CHRNA9: variants seen among roughly 807,000 people sequenced by gnomAD.
CHRNA9 encodes neuronal acetylcholine receptor subunit alpha-9.
A neutral mutation model predicts 36.8 loss-of-function variants in CHRNA9; 24 were observed. The observed-to-expected ratio is 0.65, with a 90% CI of 0.47 to 0.92. The LOEUF (loss-of-function observed/expected upper bound fraction) is 0.92, where lower values mean the gene tolerates loss of function less well. Ranked by LOEUF, CHRNA9 falls within the 40% of genes least tolerant of loss-of-function variation. The pLI, the probability that CHRNA9 is intolerant of heterozygous loss-of-function variation, is 0.00. For synonymous variants in CHRNA9, 231 were observed against 231.8 expected, an observed-to-expected ratio of 1.00 and a Z score of 0.03; for missense variants, 610 against 601.2, an observed-to-expected ratio of 1.01 and a Z score of -0.15.
Position 40,348,886 on chromosome 4 carries a change from G to T in CHRNA9, c.370G>T (p.Asp124Tyr), listed in dbSNP as rs748489807. The T allele has an allele frequency of 6.2e-7, 1 of 1,611,084 alleles. No homozygotes were observed. The highest frequency in any genetic ancestry group is 2.2e-5 in the East Asian group (1 of 44,804). Residue 124 changes from aspartate to tyrosine, a missense_variant, in exon 4 of 5, where the codon GAT becomes TAT. Asp to Tyr is a radical substitution (Grantham distance 160). Coordinates refer to ENST00000310169, the MANE Select transcript of CHRNA9 (RefSeq NM_017581.4). ...TTTTCCTTATCTGACCTTCAGGGCT[G>T]ATGATGAATCTTCAGAGCCTGTGAA... ...RPDIVLYNKA[D>Y]DESSEPVNTN...
chr4:40,354,697 A>T lies in CHRNA9; in HGVS notation c.*177A>T, dbSNP rs4861327. On this transcript the variant is annotated 3_prime_UTR_variant, in exon 5 of 5. Coordinates refer to ENST00000310169, the MANE Select transcript of CHRNA9 (RefSeq NM_017581.4). Reference sequence around the variant, plus strand: ...CTGCTCTGTTAAATTAAGCAGAAGAACCAAAATTTCAAGGGTAGGAAGATG... The same window carrying T: ...CTGCTCTGTTAAATTAAGCAGAAGATCCAAAATTTCAAGGGTAGGAAGATG... 551,690 of 590,168 alleles carry T rather than the reference A, an allele frequency of 0.93. 258,424 individuals are homozygous for T. The highest frequency in any genetic ancestry group is 1 in the East Asian group (35,214 of 35,232). The allele number at this position is 590,168 out of a possible 1,614,324, so 36.6% of individuals were successfully genotyped here.
chr4:40,344,100 CAGGTGGCTTCTAGA>C (rs1403452834), intron 3 of CHRNA9, among the ~76,000 whole-genome samples: 1 of 152,168 alleles, frequency 6.6e-6, no homozygotes. Context: ...TCATGGGATG[CAGGTGGCTTCTAGA>C]AGGTGGAAAA....
At position 40,348,993 on chromosome 4, in the gene CHRNA9, C is replaced by G. The variant is rs749101853; in HGVS notation, c.477C>G (p.Val159=). 3.5e-5 allele frequency: 56 copies of G among 1,614,068 alleles called. No individual in the cohort carries two copies. In the Middle Eastern group the frequency reaches 4.9e-4, roughly 14 times the overall value. The change falls in exon 4 of 5, where the codon GTC becomes GTG. Residue 159 remains valine (V), a synonymous_variant. Transcript: ENST00000310169. ...AITKSSCVVD[V]TYFPFDNQQC... is the part of the protein sequence containing the mutation. ...CCAAAAGCTCCTGTGTGGTGGATGT[C>G]ACCTACTTCCCTTTTGACAACCAGC...
chr4:40,346,936 G>A (rs1019803663), intron 3 of CHRNA9, among the ~76,000 whole-genome samples: 4 of 151,792 alleles, frequency 2.6e-5, no homozygotes, highest in Admixed American at 6.6e-5. Context: ...TCAGCCTCCC[G>A]AGTAGCTGGG....
At position 40,354,590 on chromosome 4, in the gene CHRNA9, C is replaced by A; in HGVS notation, c.*70C>A. The stretch of plus-strand genomic sequence containing the variant: ...CCCTGTGATCTATTCCAATGTTCTT[C>A]CAAGATTTTTGTTCATCTATAATTT... On this transcript the variant is annotated 3_prime_UTR_variant, in exon 5 of 5. Transcript: ENST00000310169. 7.6e-7 allele frequency: 1 copy of A among 1,313,592 alleles called. No homozygotes were observed. The highest frequency in any genetic ancestry group is 1.1e-6 in the Non-Finnish European group (1 of 950,866). The allele number at this position is 1,313,592 out of a possible 1,614,324, so 81.4% of individuals were successfully genotyped here.
At position 40,349,017 on chromosome 4, in the gene CHRNA9, G is replaced by A. The variant is rs1380207151; in HGVS notation, c.501G>A (p.Gln167=). 4 of 1,614,190 alleles carry A rather than the reference G, an allele frequency of 2.5e-6. No individual in the cohort carries two copies. Among genetic ancestry groups the A allele is most frequent in the Non-Finnish European group, 3.4e-6 (4 of 1,180,030 alleles). ...VDVTYFPFDN[Q]QCNLTFGSWT... Reference sequence around the variant, plus strand: ...TCACCTACTTCCCTTTTGACAACCAGCAGTGCAACCTGACTTTTGGTTCCT... The same window carrying A: ...TCACCTACTTCCCTTTTGACAACCAACAGTGCAACCTGACTTTTGGTTCCT... Residue 167 remains glutamine (Q), a synonymous_variant, in exon 4 of 5, where the codon CAG becomes CAA. Coordinates refer to ENST00000310169, the MANE Select transcript of CHRNA9 (RefSeq NM_017581.4).
intron 3 of CHRNA9, among the ~76,000 whole-genome samples, chr4:40,339,410 T>C (rs1342693323): frequency 4.7e-5 from 7 of 150,518 alleles, no homozygotes; most frequent in Non-Finnish European, 7.4e-5. Context: ...GGGCCAGGCA[T>C]GGTGGCTCAC....
rs1453479700 is a variant in CHRNA9 at position 40,350,726 on chromosome 4, A to ACACACACACACC, written c.898+1313_898+1314insACACACACACCC. ...CACACACACACACACACACACACAC[A>ACACACACACACC]CCTCTCTTTTTCAGAATTAAACACA... On this transcript the variant is annotated intron_variant, in intron 4 of 4. Coordinates refer to ENST00000310169, the MANE Select transcript of CHRNA9 (RefSeq NM_017581.4). 5.4e-5 allele frequency among the ~76,000 whole-genome samples: 8 copies of ACACACACACACC among 148,268 alleles called. No individual in the cohort carries two copies. In the South Asian group the frequency reaches 1.5e-3, roughly 28 times the overall value.
chr4:40,339,216 T>A, intron 3 of CHRNA9, among the ~76,000 whole-genome samples: 1 of 130,474 alleles, frequency 7.7e-6, no homozygotes. Flanking sequence ...GAGGCAGGGG[T>A]TGCAGTGAGC....
chr4:40,349,542 A>AT, intron 4 of CHRNA9, 128 bp downstream of exon 4: 1 of 884,308 alleles, frequency 1.1e-6, no homozygotes, highest in Non-Finnish European at 1.7e-6. Context: ...ACTGTCTCAA[A>AT]TTTTTCTGGT....
At chr4:40,338,891 T>TCTCA (rs1491538021) in intron 3 of CHRNA9, among the ~76,000 whole-genome samples, 1,756 of 117,452 alleles carry the variant, frequency 0.015, 26 homozygotes, top group African/African-American at 0.043. Context: ...CCTCTCTCTC[T>TCTCA]CACACACACA....
At chr4:40,345,888 G>C (rs1712624599) in intron 3 of CHRNA9, among the ~76,000 whole-genome samples, 1 of 152,168 alleles carries the variant, frequency 6.6e-6, no homozygotes, top group Non-Finnish European at 1.5e-5. Flanking sequence ...AGCCAGGCAT[G>C]GTGGCTGGCA....
At position 40,349,054 on chromosome 4, in the gene CHRNA9, G is replaced by A. The variant is rs1485573233; in HGVS notation, c.538G>A (p.Gly180Ser). ...GACTTTTGGTTCCTGGACCTACAAT[G>A]GCAATCAGGTGGACATATTCAACGC... ...NLTFGSWTYN[G>S]NQVDIFNALD... Residue 180 changes from glycine to serine, a missense_variant, in exon 4 of 5, where the codon GGC (glycine) becomes AGC (serine). Physicochemically the swap from Gly to Ser is moderately conservative, Grantham distance 56 (BLOSUM62 0). Transcript: ENST00000310169. 1 of 1,614,118 alleles carries A rather than the reference G, an allele frequency of 6.2e-7. No homozygotes were observed. Among genetic ancestry groups the A allele is most frequent in the Non-Finnish European group, 8.5e-7 (1 of 1,180,010 alleles).
chr4:40,354,766 G>A lies in CHRNA9; in HGVS notation c.*246G>A. The A allele has an allele frequency of 2.5e-6, 1 of 393,586 alleles. No individual in the cohort carries two copies. The highest frequency in any genetic ancestry group is 2.0e-5 in the African/African-American group (1 of 50,290). 24.4% of individuals were successfully genotyped at this position (393,586 alleles called of 1,614,324 possible). ...CCCTTTTATAGCCCACCGTAGTGGTGGGTGACTGGCCTCTAGTTTATATAA... is the reference window on the plus strand; with the variant it reads ...CCCTTTTATAGCCCACCGTAGTGGTAGGTGACTGGCCTCTAGTTTATATAA... On this transcript the variant is annotated 3_prime_UTR_variant, in exon 5 of 5. Coordinates refer to ENST00000310169, the MANE Select transcript of CHRNA9 (RefSeq NM_017581.4).
chr4:40,345,094 C>G (rs934023433), intron 3 of CHRNA9, among the ~76,000 whole-genome samples: 1 of 152,110 alleles, frequency 6.6e-6, no homozygotes, highest in African/African-American at 2.4e-5. Context: ...AGGCACACAG[C>G]TAGAAAGTGA....
intron 3 of CHRNA9, among the ~76,000 whole-genome samples, chr4:40,337,650 G>A (rs529301840): frequency 3.3e-5 from 5 of 152,184 alleles, no homozygotes; most frequent in Non-Finnish European, 7.3e-5. Flanking sequence ...GAGTAGCACA[G>A]ATTAGATGAC....
chr4:40,348,924 C>G lies in CHRNA9; in HGVS notation c.408C>G (p.Val136=). 1 of 1,614,106 alleles carries G rather than the reference C, an allele frequency of 6.2e-7. No homozygotes were observed. Among genetic ancestry groups the G allele is most frequent in the Non-Finnish European group, 8.5e-7 (1 of 1,180,018 alleles). Reference sequence around the variant, plus strand: ...CAGAGCCTGTGAACACCAATGTGGTCCTGCGGTATGATGGGCTGATCACCT... The same window carrying G: ...CAGAGCCTGTGAACACCAATGTGGTGCTGCGGTATGATGGGCTGATCACCT... ...ESSEPVNTNV[V]LRYDGLITWD... The change falls in exon 4 of 5, where the codon GTC becomes GTG. Residue 136 remains valine (V), a synonymous_variant. Coordinates refer to ENST00000310169, the MANE Select transcript of CHRNA9 (RefSeq NM_017581.4).
At chr4:40,353,922 G>A in intron 4 of CHRNA9, 57 bp from the exon 5 acceptor site, 2 of 1,433,058 alleles carry the variant, frequency 1.4e-6, no homozygotes, top group Non-Finnish European at 1.9e-6. Flanking sequence ...AGTGACTCGT[G>A]GCTGTATGAG....
intron 4 of CHRNA9, among the ~76,000 whole-genome samples, chr4:40,351,622 A>G (rs1712808569): frequency 6.6e-6 from 1 of 152,246 alleles, no homozygotes; most frequent in Non-Finnish European, 1.5e-5. Context: ...GTAGCCCTTG[A>G]TATCGGTTTC....
Sources: gnomAD v4.1 joint callset for allele counts (sites outside exome capture counted in the v4.1 genomes callset) on GRCh38, gnomAD v4.1.1 for gene constraint, MANE v1.5 for transcripts, NCBI Gene and HGNC (gene_info 2026-07-23, HGNC 2026-07-21) for gene names.